The following EPHA6 variants were observed in gnomAD, a reference collection of about 807,000 sequenced individuals.
EPHA6 encodes the protein ephrin type-A receptor 6.
A neutral mutation model predicts 112.0 loss-of-function variants in EPHA6; 50 were observed. The observed-to-expected ratio is 0.45, with a 90% CI of 0.36 to 0.56. The LOEUF (loss-of-function observed/expected upper bound fraction) is 0.56, where lower values mean the gene tolerates loss of function less well. Among genes scored for constraint, EPHA6 ranks in the 20% least tolerant of loss-of-function variants. The pLI, the probability that EPHA6 is intolerant of heterozygous loss-of-function variation, is 0.00. For missense variants in EPHA6, 1,280 were observed against 1,417.4 expected (o/e 0.90, Z 1.56); for synonymous variants, 529 against 490.7 (o/e 1.08, Z -1.03).
At chr3:97,170,755 A>T (rs898058484) in intron 3 of EPHA6, among the ~76,000 whole-genome samples, 9 of 64,084 alleles carry the variant, frequency 1.4e-4, no homozygotes, top group Admixed American at 8.4e-4. Context: ...AAAAGAAAAG[A>T]AAAAAAAAGA....
At chr3:96,940,032 T>C (rs1249151544) in intron 2 of EPHA6, among the ~76,000 whole-genome samples, 1 of 152,152 alleles carries the variant, frequency 6.6e-6, no homozygotes, top group Non-Finnish European at 1.5e-5. Flanking sequence ...ACTATGTGGT[T>C]AATTTTGGAA....
chr3:97,385,574 A>G (rs2086012904), intron 5 of EPHA6, among the ~76,000 whole-genome samples: 1 of 152,172 alleles, frequency 6.6e-6, no homozygotes. Flanking sequence ...TGCCCTATGG[A>G]GTTCCCTGTA....
intron 14 of EPHA6, among the ~76,000 whole-genome samples, chr3:97,691,837 A>G (rs961756687): frequency 6.6e-6 from 1 of 152,354 alleles, no homozygotes; most frequent in African/African-American, 2.4e-5. Flanking sequence ...AAAGGAGAAA[A>G]TTCTCTTTCG....
At chr3:97,175,879 T>C (rs2108439028) in intron 3 of EPHA6, among the ~76,000 whole-genome samples, 1 of 152,008 alleles carries the variant, frequency 6.6e-6, no homozygotes. Flanking sequence ...TATTTTCACT[T>C]TAGATGCCCT....
intron 5 of EPHA6, among the ~76,000 whole-genome samples, chr3:97,371,854 A>G (rs1001159393): frequency 4.6e-5 from 7 of 152,126 alleles, no homozygotes; most frequent in Admixed American, 2.0e-4. Context: ...TTACCGTCGT[A>G]CATAAGGGAT....
At chr3:97,644,800 T>A (rs1004513563) in intron 14 of EPHA6, among the ~76,000 whole-genome samples, 2 of 151,546 alleles carry the variant, frequency 1.3e-5, no homozygotes, top group Admixed American at 1.3e-4. Flanking sequence ...TAATCAATAG[T>A]TTACCAACCA....
chr3:96,839,506 G>A lies in EPHA6; in HGVS notation c.385+24498G>A, dbSNP rs766810650. Among the ~76,000 whole-genome samples, 13 of 151,990 alleles carry A rather than the reference G, an allele frequency of 8.6e-5. 1 individual carries two copies. The highest frequency in any genetic ancestry group is 1.5e-4 in the Non-Finnish European group (10 of 67,988). On this transcript the variant is annotated intron_variant, in intron 1 of 17. Coordinates refer to ENST00000389672, the MANE Select transcript of EPHA6 (RefSeq NM_001080448.3). Reference sequence around the variant, plus strand: ...GGTGCCAAAAAGTTTGAGGACCGCTGCCCTAAAGACCTAAGGGTTTTGGAA... The same window carrying A: ...GGTGCCAAAAAGTTTGAGGACCGCTACCCTAAAGACCTAAGGGTTTTGGAA...
intron 3 of EPHA6, among the ~76,000 whole-genome samples, chr3:97,149,789 A>G (rs2076128781): frequency 6.6e-6 from 1 of 151,234 alleles, no homozygotes. Context: ...TTTTAAGTAC[A>G]AACTTATTTT....
chr3:97,618,577 T>A (rs557154417), intron 13 of EPHA6, among the ~76,000 whole-genome samples: 98 of 151,816 alleles, frequency 6.5e-4, no homozygotes, highest in South Asian at 2.1e-3. Context: ...TCAGAAATGA[T>A]AAGGGAGATA....
Position 97,600,205 on chromosome 3 carries a change from T to C in EPHA6, c.2512+7468T>C, listed in dbSNP as rs1376858702. ...GTTTTCTAGATATACAATCATGTCG[T>C]CTGCAAACAGGGACAATTTGACTTC... On this transcript the variant is annotated intron_variant, in intron 12 of 17. Coordinates refer to ENST00000389672, the MANE Select transcript of EPHA6 (RefSeq NM_001080448.3). 2.0e-5 allele frequency among the ~76,000 whole-genome samples: 3 copies of C among 150,432 alleles called. No individual in the cohort carries two copies. In the Admixed American group the frequency reaches 2.0e-4, roughly 10 times the overall value.
intron 10 of EPHA6, among the ~76,000 whole-genome samples, chr3:97,520,580 G>C (rs1373927542): frequency 6.6e-6 from 1 of 152,192 alleles, no homozygotes; most frequent in East Asian, 1.9e-4. Flanking sequence ...TCTGCTGTTA[G>C]TATGATGGGA....
chr3:97,716,420 T>C (rs1392699993), intron 14 of EPHA6, among the ~76,000 whole-genome samples: 1 of 132,884 alleles, frequency 7.5e-6, no homozygotes, highest in Non-Finnish European at 1.5e-5. Context: ...TACAAAAAAT[T>C]AGCCGGGCGC....
At chr3:97,345,142 A>T (rs1265735423) in intron 5 of EPHA6, among the ~76,000 whole-genome samples, 1 of 152,204 alleles carries the variant, frequency 6.6e-6, no homozygotes, top group East Asian at 1.9e-4. Flanking sequence ...TGTACATAAC[A>T]TTGAGAATAT....
In EPHA6 at chr3:97,754,166, A is replaced by AGG. The variant is rs2035967770; in HGVS notation, c.*5465_*5466insGG. Among the ~76,000 whole-genome samples the AGG allele has an allele frequency of 2.8e-5, 4 of 141,336 alleles. No homozygotes were observed. Among genetic ancestry groups the AGG allele is most frequent in the Non-Finnish European group, 6.0e-5 (4 of 66,636 alleles). 92.7% of individuals were successfully genotyped at this position (141,336 alleles called of 152,430 possible). On this transcript the variant is annotated 3_prime_UTR_variant, in exon 18 of 18. Transcript: ENST00000389672. The stretch of plus-strand genomic sequence containing the variant: ...TGCAATGGTGCAATCTTGGCTCACC[A>AGG]CAACCTCCGCCTCCCAGGTTCAAGC...
chr3:97,065,419 C>CTTTTTATTTTA (rs2046147245), intron 3 of EPHA6, among the ~76,000 whole-genome samples: 1 of 152,024 alleles, frequency 6.6e-6, no homozygotes, highest in Non-Finnish European at 1.5e-5. Context: ...TATTAGATGC[C>CTTTTTATTTTA]TTTTATTTTA....
At chr3:97,601,382 G>C (rs2107408369) in intron 12 of EPHA6, among the ~76,000 whole-genome samples, 1 of 152,248 alleles carries the variant, frequency 6.6e-6, no homozygotes, top group Admixed American at 6.5e-5. Context: ...CTGCTCAGCT[G>C]TCTATTCCTC....
chr3:97,525,160 C>G (rs1347886651), intron 10 of EPHA6, among the ~76,000 whole-genome samples: 1 of 152,090 alleles, frequency 6.6e-6, no homozygotes, highest in Non-Finnish European at 1.5e-5. Flanking sequence ...TCCCATATAT[C>G]CCTACACTTT....
chr3:97,661,867 T>G (rs1199420103), intron 14 of EPHA6, among the ~76,000 whole-genome samples: 1 of 152,206 alleles, frequency 6.6e-6, no homozygotes, highest in Non-Finnish European at 1.5e-5. Flanking sequence ...CTGGTAGTCC[T>G]TGTATACAAA....
chr3:97,328,922 C>T (rs985836466), intron 5 of EPHA6, among the ~76,000 whole-genome samples: 2 of 152,002 alleles, frequency 1.3e-5, no homozygotes, highest in Non-Finnish European at 2.9e-5. Context: ...CCCAGTAACT[C>T]GTCATATAAC....
Sources: gnomAD v4.1 joint callset for allele counts (sites outside exome capture counted in the v4.1 genomes callset) on GRCh38, gnomAD v4.1.1 for gene constraint, MANE v1.5 for transcripts, NCBI Gene and HGNC (gene_info 2026-07-23, HGNC 2026-07-21) for gene names.